The following KLRD1 variants were observed in gnomAD, a reference collection of about 807,000 sequenced individuals.
KLRD1 encodes natural killer cells antigen CD94.
In KLRD1, 21 loss-of-function variants were observed where a neutral mutation model predicts 22.6. The ratio of observed to expected loss-of-function variants is 0.93; its 90% CI spans 0.66 to 1.34. The LOEUF is 1.34. Among genes scored for constraint, KLRD1 ranks in the 40% most tolerant of loss-of-function variants. The pLI, the probability that KLRD1 is intolerant of heterozygous loss-of-function variation, is 0.00. For synonymous variants in KLRD1, 59 were observed against 71.1 expected (o/e 0.83, Z 0.85); for missense variants, 183 against 208.6 (o/e 0.88, Z 0.76).
chr12:10,292,497 T>C (rs1426627861), intron 1 of KLRD1, among the ~76,000 whole-genome samples: 1 of 152,220 alleles, frequency 6.6e-6, no homozygotes, highest in Admixed American at 6.5e-5. Flanking sequence ...ATCAGAGCTC[T>C]TGGGTGACCA....
intron 1 of KLRD1, among the ~76,000 whole-genome samples, chr12:10,276,211 A>G (rs1203994840): frequency 6.6e-6 from 1 of 152,146 alleles, no homozygotes. Context: ...ACTATTATAA[A>G]TAATAGTCCT....
At chr12:10,259,592 C>T (rs948864682) in intron 1 of KLRD1, among the ~76,000 whole-genome samples, 7 of 152,186 alleles carry the variant, frequency 4.6e-5, no homozygotes, top group Non-Finnish European at 8.8e-5. Context: ...TTCATTTAGA[C>T]TTACATCTGT....
chr12:10,308,500 G>C (rs1156424620), intron 1 of KLRD1: 2 of 189,598 alleles, frequency 1.1e-5, no homozygotes, highest in Non-Finnish European at 2.2e-5. Flanking sequence ...ACATTGTACT[G>C]TTGTTAATGA....
At chr12:10,282,178 T>C (rs891260615) in intron 1 of KLRD1, among the ~76,000 whole-genome samples, 34 of 152,298 alleles carry the variant, frequency 2.2e-4, no homozygotes, top group African/African-American at 7.9e-4. Context: ...AATTTTTTAA[T>C]GTCAGCATTA....
At chr12:10,249,362 A>G (rs1949323814) in intron 1 of KLRD1, among the ~76,000 whole-genome samples, 1 of 152,212 alleles carries the variant, frequency 6.6e-6, no homozygotes, top group African/African-American at 2.4e-5. Flanking sequence ...AAGAAGACAG[A>G]AGAAACAATA....
chr12:10,244,779 G>A (rs191942010), intron 1 of KLRD1, among the ~76,000 whole-genome samples: 383 of 144,804 alleles, frequency 2.6e-3, no homozygotes, highest in Admixed American at 3.5e-3. Flanking sequence ...GCGAAACTCC[G>A]TCTCAAAAAC....
At chr12:10,295,473 G>A (rs1949812971) in intron 1 of KLRD1, among the ~76,000 whole-genome samples, 1 of 150,424 alleles carries the variant, frequency 6.6e-6, no homozygotes, top group Admixed American at 6.7e-5. Context: ...GTAGAGAGAA[G>A]TCAATACTTT....
intron 1 of KLRD1, chr12:10,308,690 C>A: frequency 6.5e-6 from 1 of 153,110 alleles, no homozygotes; most frequent in East Asian, 1.9e-4. Context: ...AAAGTTGTTA[C>A]CCATCAATTT....
rs2137728115 is a variant in KLRD1, at chr12:10,315,565, T to G, written c.*772T>G. The G allele has an allele frequency of 6.5e-6, 1 of 154,412 alleles. No homozygotes were observed. Among genetic ancestry groups the G allele is most frequent in the Middle Eastern group, 3.3e-3 (1 of 304 alleles). The allele number at this position is 154,412 out of a possible 1,614,324, so 9.6% of individuals were successfully genotyped here. A position where few individuals can be genotyped will look rare whatever the true frequency, so the allele number is the denominator to read the frequency against. Reference sequence around the variant, plus strand: ...TTATGCATTGCACTTTCTGGAGATTTGTAATGTTTTGGTTTTGTTGTCCAT... The same window carrying G: ...TTATGCATTGCACTTTCTGGAGATTGGTAATGTTTTGGTTTTGTTGTCCAT... On this transcript the variant is annotated 3_prime_UTR_variant, in exon 6 of 6. Transcript: ENST00000336164.
chr12:10,294,533 G>T (rs959236662), intron 1 of KLRD1, among the ~76,000 whole-genome samples: 1 of 137,422 alleles, frequency 7.3e-6, no homozygotes, highest in Admixed American at 7.7e-5. Context: ...TGAGTAGCTG[G>T]GACTACAGGC....
In KLRD1 at chr12:10,320,263, G is replaced by GGAA. The variant is rs5796389; in HGVS notation, c.*5470_*5471insGAA. 6.8e-6 allele frequency: 1 copy of GGAA among 147,156 alleles called. No homozygotes were observed. The highest frequency in any genetic ancestry group is 1.5e-5 in the Non-Finnish European group (1 of 67,090). 9.1% of individuals were successfully genotyped at this position (147,156 alleles called of 1,614,324 possible). A position where few individuals can be genotyped will look rare whatever the true frequency, so the allele number is the denominator to read the frequency against. ...CCAAGAATGAAGTTACTATTATAAAGAAAAAAAAAAACCACTAAAATTTTG... is the reference window on the plus strand; with the variant it reads ...CCAAGAATGAAGTTACTATTATAAAGGAAAAAAAAAAAAACCACTAAAATTTTG... On this transcript the variant is annotated 3_prime_UTR_variant, in exon 6 of 6. Transcript: ENST00000336164.
intron 1 of KLRD1, among the ~76,000 whole-genome samples, chr12:10,262,376 G>C (rs2137632371): frequency 6.6e-6 from 1 of 152,128 alleles, no homozygotes; most frequent in South Asian, 2.1e-4. Context: ...AGATAACTTT[G>C]TCCCCTACAG....
intron 1 of KLRD1, chr12:10,308,807 C>G (rs1242314773): frequency 6.5e-6 from 1 of 153,100 alleles, no homozygotes; most frequent in African/African-American, 2.4e-5. Flanking sequence ...AAAACCTGCA[C>G]TGAGATGAGG....
chr12:10,269,336 A>G (rs1949528662), intron 1 of KLRD1, among the ~76,000 whole-genome samples: 1 of 151,998 alleles, frequency 6.6e-6, no homozygotes, highest in Non-Finnish European at 1.5e-5. Context: ...TTTTTAGTAG[A>G]GACAAGGTTT....
intron 1 of KLRD1, among the ~76,000 whole-genome samples, chr12:10,258,260 C>T (rs1244801433): frequency 6.6e-6 from 1 of 152,180 alleles, no homozygotes; most frequent in Non-Finnish European, 1.5e-5. Flanking sequence ...AGCTCTCCTT[C>T]TGCTCTGTCA....
intron 4 of KLRD1, among the ~76,000 whole-genome samples, chr12:10,313,157 A>G (rs1351578765): frequency 2.6e-5 from 4 of 152,068 alleles, no homozygotes; most frequent in Admixed American, 1.3e-4. Context: ...TGAAAACTCT[A>G]TCTCCTTTTA....
At chr12:10,256,077 TC>T (rs1227149441) in intron 1 of KLRD1, among the ~76,000 whole-genome samples, 1 of 152,066 alleles carries the variant, frequency 6.6e-6, no homozygotes, top group East Asian at 1.9e-4. Flanking sequence ...TATATGATAT[TC>T]TTTGTCTTTT....
At position 10,247,665 on chromosome 12, in the gene KLRD1, C is replaced by T. The variant is rs1462086226; in HGVS notation, c.-101+21432C>T. On this transcript the variant is annotated intron_variant, in intron 1 of 5. Transcript: ENST00000544747. ...ATCTTGAATTGAAGTTCCCCTAATC[C>T]CCACATGTCATGGGAGGGACCAAGT... Among the ~76,000 whole-genome samples the T allele has an allele frequency of 2.0e-5, 3 of 152,040 alleles. No homozygotes were observed. In the East Asian group the frequency reaches 5.8e-4, roughly 29 times the overall value.
chr12:10,286,798 C>T (rs569191501), intron 1 of KLRD1, among the ~76,000 whole-genome samples: 20 of 151,382 alleles, frequency 1.3e-4, no homozygotes, highest in Middle Eastern at 3.4e-3. Context: ...CATGAGCCAC[C>T]GCATCTGGTC....
Sources: allele counts gnomAD v4.1 joint callset (sites outside exome capture counted in the v4.1 genomes callset), GRCh38; gene constraint gnomAD v4.1.1; transcripts MANE v1.5; gene names NCBI Gene and HGNC (gene_info 2026-07-23, HGNC 2026-07-21).